Variants in COL5A2 observed in about 807,000 individuals in gnomAD.
The protein encoded by COL5A2 is collagen alpha-2(V) chain.
A neutral mutation model predicts 208.2 loss-of-function variants in COL5A2; 23 were observed. The ratio of observed to expected loss-of-function variants is 0.11; its 90% confidence interval spans 0.08 to 0.16. COL5A2 has a LOEUF of 0.16. Ranked by LOEUF, COL5A2 falls within the 10% of genes least tolerant of loss-of-function variation. The pLI is 1.00. For missense variants in COL5A2, 1,590 were observed against 1,956.4 expected (o/e 0.81, Z 3.53); for synonymous variants, 625 against 628.5 (o/e 0.99, Z 0.08).
At chr2:189,332,810 C>G in the COL5A2 span, among the ~76,000 whole-genome samples, 8 of 152,160 alleles carry the variant, frequency 5.3e-5, no homozygotes, top group African/African-American at 1.9e-4. Context: ...GAGTGGGGCC[C>G]TGCTGAAAAG....
chr2:189,218,334 G>C (rs1689304432), intron 1 of COL5A2, among the ~76,000 whole-genome samples: 1 of 152,112 alleles, frequency 6.6e-6, no homozygotes, highest in African/African-American at 2.4e-5. Context: ...TTCCTTTATA[G>C]GAAGAGAAGT....
the COL5A2 span, among the ~76,000 whole-genome samples, chr2:189,336,985 A>G: frequency 6.6e-6 from 1 of 152,042 alleles, no homozygotes; most frequent in Admixed American, 6.6e-5. Context: ...CTTAGGAACT[A>G]TTTTTTTCTG....
chr2:189,394,509 A>G, the COL5A2 span, among the ~76,000 whole-genome samples: 114 of 152,304 alleles, frequency 7.5e-4, no homozygotes, highest in African/African-American at 2.6e-3. Context: ...CTGCTCTCTA[A>G]CATATTCTCT....
chr2:189,089,982 TGAAA>T (rs1191125436), intron 7 of COL5A2, among the ~76,000 whole-genome samples: 2 of 152,108 alleles, frequency 1.3e-5, no homozygotes, highest in African/African-American at 4.8e-5. Context: ...AATGTTCAAG[TGAAA>T]GAAAGAGTCT....
In COL5A2 at chr2:189,078,546, C is replaced by G. The variant is rs1286474026; in HGVS notation, c.1029G>C (p.Glu343Asp). 1.4e-5 allele frequency: 22 copies of G among 1,612,762 alleles called. No homozygotes were observed. Among genetic ancestry groups the G allele is most frequent in the Non-Finnish European group, 1.9e-5 (22 of 1,178,844 alleles). ...CACCCTGTGGCCCAAGTCTCCCTCT[C>G]TCTCCTGGCATTCCCCTCGGACCCT... ...GPLGPRGMPG[E>D]RGRLGPQGAP... Residue 343 changes from glutamate to aspartate, a missense_variant, in exon 16 of 54, where the codon GAG (glutamate) becomes GAC (aspartate). Physicochemically the swap from Glu to Asp is conservative, Grantham distance 45 (BLOSUM62 2). Transcript: ENST00000374866.
the COL5A2 span, among the ~76,000 whole-genome samples, chr2:189,433,320 A>C: frequency 6.6e-6 from 1 of 152,242 alleles, no homozygotes; most frequent in Non-Finnish European, 1.5e-5. Flanking sequence ...AAGGCAAGAA[A>C]TAACTAAGAT....
the COL5A2 span, among the ~76,000 whole-genome samples, chr2:189,396,455 C>T: frequency 3.3e-5 from 5 of 151,210 alleles, no homozygotes; most frequent in East Asian, 5.8e-4. Flanking sequence ...GGGTGAATCA[C>T]GAGGTCAGGA....
the COL5A2 span, among the ~76,000 whole-genome samples, chr2:189,284,913 G>T: frequency 6.6e-6 from 1 of 152,034 alleles, no homozygotes; most frequent in Non-Finnish European, 1.5e-5. Flanking sequence ...ACTGTATAAG[G>T]TATGCTTGGA....
At chr2:189,188,812 T>C (rs1688887221) in intron 1 of COL5A2, among the ~76,000 whole-genome samples, 1 of 152,222 alleles carries the variant, frequency 6.6e-6, no homozygotes, top group Admixed American at 6.5e-5. Flanking sequence ...GACAATTATG[T>C]GGCGACCAGA....
At chr2:189,239,675 C>T in the COL5A2 span, among the ~76,000 whole-genome samples, 3 of 150,182 alleles carry the variant, frequency 2.0e-5, no homozygotes, top group South Asian at 2.1e-4. Flanking sequence ...TGCTAAATGA[C>T]GAGTTAATGG....
chr2:189,146,730 G>C (rs1442315824), intron 1 of COL5A2, among the ~76,000 whole-genome samples: 1 of 152,066 alleles, frequency 6.6e-6, no homozygotes, highest in East Asian at 1.9e-4. Flanking sequence ...ATCATTAGAA[G>C]CCCAAGATGA....
At position 189,079,974 on chromosome 2, in the gene COL5A2, T is replaced by G; in HGVS notation, c.960+4A>C. On this transcript the variant is annotated splice_donor_region_variant and intron_variant, in intron 14 of 53. Transcript: ENST00000374866. ...AGGTTACAGTGAGATAATTATAAGATTACCTTGGAACCAGGTGCTCCAACT... is the reference window on the plus strand; with the variant it reads ...AGGTTACAGTGAGATAATTATAAGAGTACCTTGGAACCAGGTGCTCCAACT... 2.5e-6 allele frequency: 4 copies of G among 1,611,266 alleles called. No individual in the cohort carries two copies. Among genetic ancestry groups the G allele is most frequent in the Non-Finnish European group, 3.4e-6 (4 of 1,177,552 alleles).
the COL5A2 span, among the ~76,000 whole-genome samples, chr2:189,410,904 A>G: frequency 6.6e-6 from 1 of 152,332 alleles, no homozygotes; most frequent in African/African-American, 2.4e-5. Flanking sequence ...GTACTTTAAA[A>G]TTATAATTAT....
chr2:189,367,041 G>A, the COL5A2 span, among the ~76,000 whole-genome samples: 1 of 152,084 alleles, frequency 6.6e-6, no homozygotes, highest in Non-Finnish European at 1.5e-5. Flanking sequence ...TAGCGCATAG[G>A]AAAACAACTG....
intron 1 of COL5A2, among the ~76,000 whole-genome samples, chr2:189,197,048 G>A (rs749929161): frequency 1.1e-4 from 17 of 151,948 alleles, no homozygotes; most frequent in Non-Finnish European, 1.8e-4. Context: ...TGGAACCAAC[G>A]CAAATGCCCA....
chr2:189,098,999 G>A (rs1686993719), intron 4 of COL5A2, among the ~76,000 whole-genome samples: 1 of 152,116 alleles, frequency 6.6e-6, no homozygotes, highest in Non-Finnish European at 1.5e-5. Context: ...CAAGGGGCCT[G>A]GGTTCAAATC....
At chr2:189,103,953 AAAGT>A (rs1160304929) in intron 3 of COL5A2, among the ~76,000 whole-genome samples, 1 of 151,942 alleles carries the variant, frequency 6.6e-6, no homozygotes. Context: ...TAATATGTGC[AAAGT>A]ATGTACTATG....
intron 7 of COL5A2, among the ~76,000 whole-genome samples, chr2:189,090,380 G>GCCAT (rs1176654860): frequency 6.6e-6 from 1 of 152,196 alleles, no homozygotes; most frequent in Non-Finnish European, 1.5e-5. Context: ...AAGGAAAGAA[G>GCCAT]CCATCTCCAT....
chr2:189,390,743 A>G, the COL5A2 span, among the ~76,000 whole-genome samples: 2 of 152,336 alleles, frequency 1.3e-5, no homozygotes, highest in South Asian at 4.1e-4. Flanking sequence ...CCCAACTGCA[A>G]TCTTCACTTT....
Sources: gnomAD v4.1 joint callset for allele counts (sites outside exome capture counted in the v4.1 genomes callset) on GRCh38, gnomAD v4.1.1 for gene constraint, MANE v1.5 for transcripts, NCBI Gene and HGNC (gene_info 2026-07-23, HGNC 2026-07-21) for gene names.